The following RDH8 variants were observed in gnomAD, a reference collection of about 807,000 sequenced individuals.
RDH8 encodes the protein retinol dehydrogenase 8.
Under a neutral mutation model 22.3 loss-of-function variants are expected in RDH8, and 14 were observed. The observed-to-expected ratio is 0.63, with a 90% CI of 0.42 to 0.98. RDH8 has a LOEUF of 0.98. Ranked by LOEUF, RDH8 falls within the 50% of genes least tolerant of loss-of-function variation. The pLI is 0.00. For synonymous variants in RDH8, 175 were observed against 171.7 expected (o/e 1.02, Z -0.15); for missense variants, 389 against 409.8 (o/e 0.95, Z 0.44).
At position 10,017,140 on chromosome 19, in the gene RDH8, G is replaced by A. The variant is rs760463176; in HGVS notation, c.187G>A (p.Ala63Thr). 1.9e-6 allele frequency: 3 copies of A among 1,611,630 alleles called. No homozygotes were observed. Among genetic ancestry groups the A allele is most frequent in the Non-Finnish European group, 2.5e-6 (3 of 1,178,448 alleles). ...GEALGQTLTV[A>T]QLDVCSDESV... is the part of the protein sequence containing the mutation. ...GGCTCTGGGGCAGACCCTCACCGTG[G>A]CCCAGCTGGACGTGTGCAGTGATGA... The change falls in exon 2 of 6, where the codon GCC becomes ACC. Residue 63 changes from alanine to threonine, a missense_variant. Coordinates refer to ENST00000591589, the MANE Select transcript of RDH8 (RefSeq NM_015725.4).
At chr19:10,015,432 G>A (rs112511846) in intron 1 of RDH8, among the ~76,000 whole-genome samples, 12 of 151,882 alleles carry the variant, frequency 7.9e-5, no homozygotes, top group South Asian at 2.1e-4. Flanking sequence ...CAGCCTAAGC[G>A]ACAGAGCATG....
In RDH8 at chr19:10,021,373, C is replaced by T; in HGVS notation, c.655C>T (p.Leu219Phe). 1 of 1,614,048 alleles carries T rather than the reference C, an allele frequency of 6.2e-7. No individual in the cohort carries two copies. The highest frequency in any genetic ancestry group is 8.5e-7 in the Non-Finnish European group (1 of 1,180,030). Residue 219 changes from leucine to phenylalanine, a missense_variant, in exon 5 of 6, where the codon CTC becomes TTC. Physicochemically the swap from Leu to Phe is conservative, Grantham distance 22. Transcript: ENST00000591589. ...DPETLHYFRD[L>F]YLPASRKLFC... ...TGAGACCCTGCACTACTTCCGGGAC[C>T]TCTATCTCCCAGCCTCCAGGAAGCT... is the stretch of plus-strand genomic sequence containing the variant.
rs746969952 is a variant in RDH8, at chr19:10,021,620, C to T, written c.807C>T (p.Thr269=). 11 of 1,613,654 alleles carry T rather than the reference C, an allele frequency of 6.8e-6. No individual in the cohort carries two copies. The highest frequency in any genetic ancestry group is 2.2e-5 in the East Asian group (1 of 44,882). ...ACTCGCCGCTGACCACGCTCAAAAC[C>T]GTGGATTCCTCTGGCAGCCTGTATG... ...IRYSPLTTLK[T]VDSSGSLYVR... The change falls in exon 6 of 6, where the codon ACC becomes ACT. Residue 269 remains threonine (T), a synonymous_variant. Transcript: ENST00000591589.
At chr19:10,014,756 C>T (rs1253270161) in intron 1 of RDH8, among the ~76,000 whole-genome samples, 3 of 152,134 alleles carry the variant, frequency 2.0e-5, no homozygotes, top group South Asian at 2.1e-4. Context: ...AGACCGGTCT[C>T]GAACTCCTGG....
In RDH8 at chr19:10,013,591, C is replaced by T. The variant is rs200886110; in HGVS notation, c.94C>T (p.Arg32Cys). The T allele has an allele frequency of 1.7e-5, 27 of 1,613,914 alleles. 1 individual carries two copies. In the Admixed American group the frequency reaches 2.0e-4, roughly 12 times the overall value. Residue 32 changes from arginine (R) to cysteine (C), a missense_variant, in exon 1 of 6, where the codon CGC becomes TGC. Physicochemically the swap from Arg to Cys is radical, Grantham distance 180. Coordinates refer to ENST00000591589, the MANE Select transcript of RDH8 (RefSeq NM_015725.4). ...GCAACTGGCCCATGACCCCAAGAAG[C>T]GCTACCAGGGTAAGAAGTGCAGGGT... ...AVQLAHDPKKRYQVVATMRDL... is the reference protein window; with the variant it reads ...AVQLAHDPKKCYQVVATMRDL...
chr19:10,017,923 G>A lies in RDH8; in HGVS notation c.262+708G>A, dbSNP rs146331934. Among the ~76,000 whole-genome samples, 695 of 152,078 alleles carry A rather than the reference G, an allele frequency of 4.6e-3. 6 individuals carry two copies. Among genetic ancestry groups the A allele is most frequent in the African/African-American group, 0.016 (663 of 41,468 alleles). On this transcript the variant is annotated intron_variant, in intron 2 of 5. Coordinates refer to ENST00000591589, the MANE Select transcript of RDH8 (RefSeq NM_015725.4). The stretch of plus-strand genomic sequence containing the variant: ...GACCTCCCAGAGTGCTGGAATTACA[G>A]GCATGCACCACCACACCTGGCCAAA...
At chr19:10,017,355 A>C in intron 2 of RDH8, 140 bp downstream of exon 2, 1 of 863,178 alleles carries the variant, frequency 1.2e-6, no homozygotes, top group East Asian at 2.9e-5. Flanking sequence ...CCAGTTGGCC[A>C]AGAGGGGTAG....
chr19:10,021,181 A>G, intron 4 of RDH8, 74 bp from the exon 5 acceptor site: 7 of 1,479,080 alleles, frequency 4.7e-6, no homozygotes, highest in Non-Finnish European at 3.7e-6. Context: ...ATCTTAAAAA[A>G]AAAAAAAAAT....
At chr19:10,014,569 C>A (rs923350497) in intron 1 of RDH8, among the ~76,000 whole-genome samples, 1 of 152,148 alleles carries the variant, frequency 6.6e-6, no homozygotes, top group African/African-American at 2.4e-5. Context: ...GAGTCAGAGT[C>A]TTGCTCTGTC....
chr19:10,014,128 T>C (rs2087590489), intron 1 of RDH8, among the ~76,000 whole-genome samples: 1 of 152,192 alleles, frequency 6.6e-6, no homozygotes, highest in African/African-American at 2.4e-5. Flanking sequence ...GAACTTGCCC[T>C]TCTGCACCTC....
chr19:10,021,297 G>A lies in RDH8; in HGVS notation c.579G>A (p.Glu193=). Residue 193 remains glutamate (E), a synonymous_variant, in exon 5 of 6, where the codon GAG becomes GAA. Transcript: ENST00000591589. The part of the protein sequence containing the change: ...VEPGPVVTEF[E]GKLLAQVSMA... Reference sequence around the variant, plus strand: ...CAGGCCCCGTGGTCACCGAGTTTGAGGGGAAGCTTCTGGCGCAGGTTTCTA... The same window carrying A: ...CAGGCCCCGTGGTCACCGAGTTTGAAGGGAAGCTTCTGGCGCAGGTTTCTA... 1 of 1,614,174 alleles carries A rather than the reference G, an allele frequency of 6.2e-7. No homozygotes were observed. The highest frequency in any genetic ancestry group is 8.5e-7 in the Non-Finnish European group (1 of 1,180,032).
In RDH8 at chr19:10,013,531, GGCTGCTCATCA is replaced by G; in HGVS notation, c.36_46del (p.Cys13AsnfsTer12). The G allele has an allele frequency of 6.2e-7, 1 of 1,613,702 alleles. No homozygotes were observed. The highest frequency in any genetic ancestry group is 8.5e-7 in the Non-Finnish European group (1 of 1,180,002). On this transcript the variant is annotated frameshift_variant, in exon 1 of 6. Transcript: ENST00000591589. LOFTEE classifies it high-confidence loss of function. ...TGCACCCCGGACTGTGTTGATCTCCGGCTGCTCATCAGGAATTGGTCTGGAACTTGCAGTGC... is the reference window on the plus strand; with the variant it reads ...TGCACCCCGGACTGTGTTGATCTCCGGGAATTGGTCTGGAACTTGCAGTGC...
Position 10,021,808 on chromosome 19 carries a change from T to A in RDH8, c.*59T>A. ...CAACCAGACCTCTTCATTCCACATC[T>A]AATTCAAAGGATGAACAGACTCTTC... On this transcript the variant is annotated 3_prime_UTR_variant, in exon 6 of 6. Coordinates refer to ENST00000591589, the MANE Select transcript of RDH8 (RefSeq NM_015725.4). 6.6e-7 allele frequency: 1 copy of A among 1,508,236 alleles called. No homozygotes were observed. The highest frequency in any genetic ancestry group is 2.3e-5 in the East Asian group (1 of 43,646). 93.4% of individuals were successfully genotyped at this position (1,508,236 alleles called of 1,614,324 possible).
chr19:10,015,630 A>C (rs969501488), intron 1 of RDH8, among the ~76,000 whole-genome samples: 2 of 144,622 alleles, frequency 1.4e-5, no homozygotes, highest in African/African-American at 5.3e-5. Context: ...CTCCGTCTCA[A>C]AAAAAAAAAA....
At chr19:10,017,508 A>G (rs1471367110) in intron 2 of RDH8, among the ~76,000 whole-genome samples, 1 of 152,104 alleles carries the variant, frequency 6.6e-6, no homozygotes, top group Admixed American at 6.6e-5. Context: ...AAAAATTAAA[A>G]ATTAGCCAGT....
At chr19:10,016,377 G>A (rs1240279706) in intron 1 of RDH8, among the ~76,000 whole-genome samples, 17 of 148,996 alleles carry the variant, frequency 1.1e-4, no homozygotes, top group African/African-American at 3.5e-4. Context: ...GGATGGTCTC[G>A]ATCTCCTGAC....
At chr19:10,013,692 T>C (rs1326468801) in intron 1 of RDH8, 92 bp downstream of exon 1, 4 of 1,393,362 alleles carry the variant, frequency 2.9e-6, no homozygotes, top group Non-Finnish European at 3.0e-6. Flanking sequence ...GCTGCACTTG[T>C]GGGCTTGGGG....
intron 3 of RDH8, among the ~76,000 whole-genome samples, chr19:10,019,928 G>A (rs2087645231): frequency 6.6e-6 from 1 of 152,086 alleles, no homozygotes; most frequent in Admixed American, 6.6e-5. Context: ...ATCACTTGAG[G>A]TCAGGAGTTG....
At chr19:10,019,099 C>T (rs1355019626) in intron 3 of RDH8, among the ~76,000 whole-genome samples, 189 bp downstream of exon 3, 1 of 152,042 alleles carries the variant, frequency 6.6e-6, no homozygotes, top group Non-Finnish European at 1.5e-5. Flanking sequence ...GAGTTTGAGA[C>T]CAGCCTGGGC....
Sources: gnomAD v4.1 joint callset for allele counts (sites outside exome capture counted in the v4.1 genomes callset) on GRCh38, gnomAD v4.1.1 for gene constraint, MANE v1.5 for transcripts, NCBI Gene and HGNC (gene_info 2026-07-23, HGNC 2026-07-21) for gene names.